XYLT1: variants seen among roughly 807,000 people sequenced by gnomAD.
XYLT1 encodes xylosyltransferase 1, also known as beta-D-xylosyltransferase 1.
A neutral mutation model predicts 91.3 loss-of-function variants in XYLT1; 36 were observed. The ratio of observed to expected loss-of-function variants is 0.39; its 90% confidence interval spans 0.30 to 0.52. The LOEUF is 0.52. Among genes scored for constraint, XYLT1 ranks in the 20% least tolerant of loss-of-function variants. The pLI is 0.68. For synonymous variants in XYLT1, 588 were observed against 532.0 expected (o/e 1.11, Z -1.45); for missense variants, 1,242 against 1,284.5 (o/e 0.97, Z 0.51).
At chr16:17,201,004 G>A (rs1024179749) in intron 3 of XYLT1, among the ~76,000 whole-genome samples, 2 of 152,182 alleles carry the variant, frequency 1.3e-5, no homozygotes, top group African/African-American at 4.8e-5. Flanking sequence ...AGTTAATTTC[G>A]AGTTAGTGAA....
chr16:17,357,955 C>T, intron 2 of XYLT1, 57 bp downstream of exon 2: 1 of 1,591,880 alleles, frequency 6.3e-7, no homozygotes, highest in African/African-American at 1.3e-5. Context: ...GACAAGTCCC[C>T]TTGAGAGCTG....
chr16:17,345,450 C>A (rs72781528), intron 2 of XYLT1, among the ~76,000 whole-genome samples: 14,365 of 152,284 alleles, frequency 0.094, 776 homozygotes, highest in Admixed American at 0.11. Flanking sequence ...GGAGGCAGTG[C>A]ATGGAGGCAC....
intron 5 of XYLT1, among the ~76,000 whole-genome samples, chr16:17,197,558 T>C (rs2032454620): frequency 6.6e-6 from 1 of 151,992 alleles, no homozygotes; most frequent in Non-Finnish European, 1.5e-5. Flanking sequence ...TTTGAGTCAG[T>C]GGACTGGGAA....
At chr16:17,338,652 C>G (rs1280928050) in intron 2 of XYLT1, 1 of 374,686 alleles carries the variant, frequency 2.7e-6, no homozygotes, top group African/African-American at 2.1e-5. Flanking sequence ...CGGAGTCTCG[C>G]TCTGTTGCCC....
At chr16:17,413,197 C>CA (rs1403891521) in intron 1 of XYLT1, among the ~76,000 whole-genome samples, 2 of 152,136 alleles carry the variant, frequency 1.3e-5, no homozygotes, top group Admixed American at 1.3e-4. Context: ...ACCTGGTACT[C>CA]AAAAAAGAAG....
At chr16:17,234,929 G>A (rs2033223863) in intron 3 of XYLT1, among the ~76,000 whole-genome samples, 1 of 152,090 alleles carries the variant, frequency 6.6e-6, no homozygotes, top group Non-Finnish European at 1.5e-5. Flanking sequence ...TTTAATCAAT[G>A]CATTCTTCAA....
intron 2 of XYLT1, among the ~76,000 whole-genome samples, chr16:17,341,338 G>C (rs1194037602): frequency 2.6e-5 from 4 of 152,190 alleles, no homozygotes; most frequent in Non-Finnish European, 5.9e-5. Flanking sequence ...GACTGTGACA[G>C]GTGCTGAAAA....
intron 1 of XYLT1, among the ~76,000 whole-genome samples, chr16:17,405,923 G>T (rs1221213994): frequency 6.6e-6 from 1 of 152,178 alleles, no homozygotes; most frequent in African/African-American, 2.4e-5. Flanking sequence ...GGTGACTCAC[G>T]CCTGAAATCC....
At chr16:17,217,966 A>T (rs1250469659) in intron 3 of XYLT1, among the ~76,000 whole-genome samples, 1 of 151,894 alleles carries the variant, frequency 6.6e-6, no homozygotes, top group Non-Finnish European at 1.5e-5. Flanking sequence ...ATAAAAAAAA[A>T]AAAAGACAAA....
At chr16:17,467,311 C>T (rs546787003) in intron 1 of XYLT1, among the ~76,000 whole-genome samples, 7 of 152,158 alleles carry the variant, frequency 4.6e-5, no homozygotes, top group South Asian at 2.1e-4. Flanking sequence ...CATTAACACA[C>T]GCAGCTCTCT....
At chr16:17,342,487 C>T (rs12924407) in intron 2 of XYLT1, among the ~76,000 whole-genome samples, 61,937 of 151,642 alleles carry the variant, frequency 0.41, 13,578 homozygotes, top group Admixed American at 0.51. Flanking sequence ...TTTGGGAGGC[C>T]GAGACAGGCA....
At chr16:17,335,457 A>C (rs2034965979) in intron 2 of XYLT1, among the ~76,000 whole-genome samples, 1 of 152,056 alleles carries the variant, frequency 6.6e-6, no homozygotes, top group South Asian at 2.1e-4. Flanking sequence ...TCGGGAGGCC[A>C]AGGCAGGCAG....
chr16:17,438,019 C>T (rs2036483428), intron 1 of XYLT1, among the ~76,000 whole-genome samples: 2 of 152,126 alleles, frequency 1.3e-5, no homozygotes, highest in African/African-American at 4.8e-5. Flanking sequence ...GCGAATGGAA[C>T]ATTCAGGAAG....
chr16:17,305,879 C>T (rs999968032), intron 2 of XYLT1, among the ~76,000 whole-genome samples: 1 of 152,106 alleles, frequency 6.6e-6, no homozygotes, highest in African/African-American at 2.4e-5. Flanking sequence ...CTGACACCGC[C>T]GTGGTGGGGA....
intron 1 of XYLT1, among the ~76,000 whole-genome samples, chr16:17,452,198 T>G (rs11866412): frequency 0.015 from 2,333 of 152,302 alleles, 65 homozygotes; most frequent in African/African-American, 0.054. Flanking sequence ...CATTAAAGGA[T>G]CTCATGAATT....
At chr16:17,361,610 C>T (rs1188530198) in intron 1 of XYLT1, among the ~76,000 whole-genome samples, 1 of 152,150 alleles carries the variant, frequency 6.6e-6, no homozygotes, top group African/African-American at 2.4e-5. Flanking sequence ...TGTGTGCTAG[C>T]TCTATTATTA....
intron 1 of XYLT1, among the ~76,000 whole-genome samples, chr16:17,465,487 C>T (rs2036881574): frequency 6.8e-6 from 1 of 146,422 alleles, no homozygotes; most frequent in Non-Finnish European, 1.5e-5. Flanking sequence ...AGTTGGGTGT[C>T]CTTAGTTTTA....
At chr16:17,114,156 C>G (rs887009295) in intron 11 of XYLT1, among the ~76,000 whole-genome samples, 2 of 152,278 alleles carry the variant, frequency 1.3e-5, no homozygotes, top group Admixed American at 6.5e-5. Context: ...GGACCTTGCC[C>G]TCTGTATAGC....
intron 2 of XYLT1, among the ~76,000 whole-genome samples, chr16:17,279,902 G>A (rs958664934): frequency 6.6e-6 from 1 of 152,180 alleles, no homozygotes; most frequent in Non-Finnish European, 1.5e-5. Flanking sequence ...TGGCACTGCC[G>A]AGGACCTCAG....
Sources: allele counts gnomAD v4.1 joint callset (sites outside exome capture counted in the v4.1 genomes callset), GRCh38; gene constraint gnomAD v4.1.1; transcripts MANE v1.5; gene names NCBI Gene and HGNC (gene_info 2026-07-23, HGNC 2026-07-21).